The following TAF1 variants were observed in gnomAD, a reference collection of about 807,000 sequenced individuals.
TAF1 encodes the protein TATA-box binding protein associated factor 1.
TAF1 carries 2 observed loss-of-function variants against 138.5 expected under a neutral mutation model. The ratio of observed to expected loss-of-function variants is 0.01; its 90% confidence interval spans 0.01 to 0.05. The LOEUF is 0.05. TAF1 is among the 10% of genes least tolerant of loss of function. The pLI is 1.00. For missense variants in TAF1, 709 were observed against 1,478.0 expected (o/e 0.48, Z 8.53); for synonymous variants, 437 against 503.2 (o/e 0.87, Z 1.76).
At chrX:71,432,605 G>T (rs1212162173) in intron 32 of TAF1, among the ~76,000 whole-genome samples, 2 of 109,619 alleles carry the variant, frequency 1.8e-5, no homozygotes. Flanking sequence ...AATTGATTCA[G>T]GATTGAGATT....
rs1427019514 is a variant in TAF1, at chrX:71,526,786, A to G, written c.1367-1756A>G. ...AAGAGACAACAATTTTTAGGCCAGTAATTACAGGCATCCATCATGCCTGTA... is the reference window on the plus strand; with the variant it reads ...AAGAGACAACAATTTTTAGGCCAGTGATTACAGGCATCCATCATGCCTGTA... On this transcript the variant is annotated intron_variant and NMD_transcript_variant, in intron 13 of 14. Coordinates refer to the TAF1 transcript ENST00000373775. 2.7e-5 allele frequency among the ~76,000 whole-genome samples: 3 copies of G among 110,016 alleles called. No individual in the cohort carries two copies. In the East Asian group the frequency reaches 8.6e-4, roughly 31 times the overall value.
At chrX:71,398,774 A>G in intron 24 of TAF1, 37 bp downstream of exon 24, 1 of 1,158,460 alleles carries the variant, frequency 8.6e-7, no homozygotes, top group Non-Finnish European at 1.1e-6. Context: ...CTAACGGAGC[A>G]AAGGAAGAAT....
chrX:71,408,645 T>A (rs764697531), intron 28 of TAF1, among the ~76,000 whole-genome samples: 1 of 111,943 alleles, frequency 8.9e-6, no homozygotes, highest in African/African-American at 3.2e-5. Context: ...TTAATTCTTA[T>A]ATCCTTTGGA....
chrX:71,483,430 T>A (rs2039107902), intron 13 of TAF1, among the ~76,000 whole-genome samples: 1 of 107,746 alleles, frequency 9.3e-6, no homozygotes, highest in Admixed American at 1.0e-4. Flanking sequence ...CATCTTTTTT[T>A]TTTTTTCCCT....
intron 36 of TAF1, 43 bp downstream of exon 36, chrX:71,459,751 A>G (rs1457565729): frequency 8.3e-7 from 1 of 1,199,837 alleles, no homozygotes; most frequent in East Asian, 3.0e-5. Context: ...AACTCACTAC[A>G]GCACCCTCAG....
At chrX:71,410,746 T>C (rs925320222) in intron 28 of TAF1, among the ~76,000 whole-genome samples, 6 of 110,089 alleles carry the variant, frequency 5.5e-5, no homozygotes, top group Non-Finnish European at 1.1e-4. Context: ...CATGAGACAC[T>C]GCACCCGGCC....
At chrX:71,422,906 GT>G (rs996211723) in intron 29 of TAF1, among the ~76,000 whole-genome samples, 1 of 108,266 alleles carries the variant, frequency 9.2e-6, no homozygotes, top group Non-Finnish European at 1.9e-5. Flanking sequence ...CGCCCAGCTA[GT>G]TTTTTTTTGT....
At chrX:71,424,403 C>T (rs909478528) in intron 32 of TAF1, among the ~76,000 whole-genome samples, 165 bp downstream of exon 32, 3 of 98,967 alleles carry the variant, frequency 3.0e-5, no homozygotes, top group African/African-American at 7.4e-5. Context: ...CACACGCCAC[C>T]GTGCCAGGCT....
intron 4 of TAF1, among the ~76,000 whole-genome samples, 196 bp from the exon 5 acceptor site, chrX:71,376,754 G>A (rs1241784414): frequency 9.0e-6 from 1 of 111,180 alleles, no homozygotes; most frequent in Non-Finnish European, 1.9e-5. Flanking sequence ...TACCAGGTAC[G>A]TGGTGAGTTG....
intron 13 of TAF1, among the ~76,000 whole-genome samples, chrX:71,479,291 G>A (rs1215264995): frequency 8.9e-6 from 1 of 112,177 alleles, no homozygotes; most frequent in Non-Finnish European, 1.9e-5. Context: ...ATAATTACTG[G>A]CCAGACATGA....
intron 32 of TAF1, among the ~76,000 whole-genome samples, chrX:71,441,239 T>A (rs1175728321): frequency 9.1e-6 from 1 of 110,427 alleles, no homozygotes; most frequent in Non-Finnish European, 1.9e-5. Flanking sequence ...GTTTTTTTTT[T>A]ATTTTTTATT....
At chrX:71,437,726 T>C (rs181622597) in intron 32 of TAF1, among the ~76,000 whole-genome samples, 13 of 109,417 alleles carry the variant, frequency 1.2e-4, no homozygotes, top group Admixed American at 1.1e-3. Context: ...GAAGAAAAAC[T>C]TCCCCCGATC....
intron 13 of TAF1, among the ~76,000 whole-genome samples, chrX:71,512,102 C>G (rs1246458377): frequency 9.1e-6 from 1 of 109,810 alleles, no homozygotes; most frequent in Non-Finnish European, 1.9e-5. Flanking sequence ...ATCACAAGGT[C>G]AGGAGATCGA....
intron 8 of TAF1, 106 bp downstream of exon 8, chrX:71,379,137 C>G (rs1602469324): frequency 1.3e-6 from 1 of 763,422 alleles, no homozygotes; most frequent in Middle Eastern, 4.5e-4. Flanking sequence ...TTCGGTGAGA[C>G]AGAGTTTCGC....
intron 25 of TAF1, among the ~76,000 whole-genome samples, chrX:71,405,357 T>G (rs985983714): frequency 6.3e-5 from 7 of 111,456 alleles, no homozygotes; most frequent in Non-Finnish European, 3.8e-5. Flanking sequence ...AGTTTTGGGT[T>G]CCTTTTCCCA....
intron 28 of TAF1, among the ~76,000 whole-genome samples, chrX:71,416,369 G>T (rs1450043786): frequency 9.5e-6 from 1 of 104,838 alleles, no homozygotes; most frequent in African/African-American, 3.5e-5. Context: ...CTGGATGACA[G>T]ATGGAGACCC....
At chrX:71,408,682 A>G (rs1003224974) in intron 28 of TAF1, among the ~76,000 whole-genome samples, 4 of 111,570 alleles carry the variant, frequency 3.6e-5, no homozygotes, top group Non-Finnish European at 7.5e-5. Context: ...CGTTGCAATG[A>G]AACAGTTCCA....
chrX:71,418,913 A>G (rs1371868751), intron 28 of TAF1, among the ~76,000 whole-genome samples: 3 of 110,523 alleles, frequency 2.7e-5, no homozygotes, highest in African/African-American at 6.6e-5. Context: ...GATTACAGGC[A>G]TGCGCCACCA....
At chrX:71,452,326 G>T (rs1248205841) in intron 32 of TAF1, among the ~76,000 whole-genome samples, 1 of 107,748 alleles carries the variant, frequency 9.3e-6, no homozygotes, top group Non-Finnish European at 1.9e-5. Context: ...CGGGCGGAGG[G>T]TCTCCTCACT....
Sources: allele counts gnomAD v4.1 joint callset (sites outside exome capture counted in the v4.1 genomes callset), GRCh38; gene constraint gnomAD v4.1.1; transcripts MANE v1.5; gene names NCBI Gene and HGNC (gene_info 2026-07-23, HGNC 2026-07-21).